The following PRSS23 variants were observed in gnomAD, a reference collection of about 807,000 sequenced individuals.
The protein encoded by PRSS23 is serine protease 23.
Under a neutral mutation model 34.7 loss-of-function variants are expected in PRSS23, and 25 were observed. That is an observed-to-expected ratio of 0.72 (90% confidence interval 0.53 to 1.01). The LOEUF (loss-of-function observed/expected upper bound fraction) is 1.01, where lower values mean the gene tolerates loss of function less well. Among genes scored for constraint, PRSS23 ranks in the 50% least tolerant of loss-of-function variants. The pLI is 0.00. For synonymous variants in PRSS23, 176 were observed against 186.6 expected, an observed-to-expected ratio of 0.94 and a Z score of 0.46; for missense variants, 445 against 475.6, an observed-to-expected ratio of 0.94 and a Z score of 0.60.
At chr11:86,812,636 A>C (rs1948186966), downstream of PRSS23, among the ~76,000 whole-genome samples, 1 of 151,006 alleles carries the variant, frequency 6.6e-6, no homozygotes, top group Non-Finnish European at 1.5e-5. Flanking sequence ...AAAAATACAA[A>C]AATTGGCCGG....
At chr11:86,806,769 G>T (rs545730876) in intron 1 of PRSS23, among the ~76,000 whole-genome samples, 1 of 151,996 alleles carries the variant, frequency 6.6e-6, no homozygotes, top group African/African-American at 2.4e-5. Context: ...AATCTTTGTC[G>T]AGTGCTAGCA....
chr11:86,874,238 A>G lies in PRSS23; in HGVS notation c.206+50645A>G, dbSNP rs542611223. 2.3e-4 allele frequency among the ~76,000 whole-genome samples: 35 copies of G among 152,338 alleles called. 1 individual carries two copies. The highest frequency in any genetic ancestry group is 8.2e-4 in the African/African-American group (34 of 41,588). ...TATCAGAGGAGTCCTGTGTCTCCCA[A>G]GAACAGCCCAATACAGAATCTTGCC... On this transcript the variant is annotated intron_variant, in intron 2 of 2. Coordinates refer to the PRSS23 transcript ENST00000533902.
intron 2 of PRSS23, among the ~76,000 whole-genome samples, chr11:86,829,193 CT>C (rs1948329679): frequency 6.6e-6 from 1 of 152,108 alleles, no homozygotes; most frequent in Non-Finnish European, 1.5e-5. Context: ...TTGTTCGTTT[CT>C]TTTTATTCTT....
chr11:86,798,541 G>T (rs1401012322), upstream of PRSS23, among the ~76,000 whole-genome samples: 1 of 152,226 alleles, frequency 6.6e-6, no homozygotes, highest in African/African-American at 2.4e-5. Flanking sequence ...CAAAGGTACT[G>T]ACGCCTCAGC....
intron 2 of PRSS23, among the ~76,000 whole-genome samples, chr11:86,826,735 C>T (rs964831700): frequency 2.8e-4 from 43 of 152,268 alleles, no homozygotes; most frequent in African/African-American, 1.0e-3. Flanking sequence ...GCCTTTTCTG[C>T]ATCTATTGAG....
chr11:86,927,531 G>C (rs1160291999), intron 2 of PRSS23, among the ~76,000 whole-genome samples: 4 of 151,980 alleles, frequency 2.6e-5, no homozygotes, highest in Non-Finnish European at 2.9e-5. Flanking sequence ...TTTTAAAAAT[G>C]AGACGGGGTA....
intron 2 of PRSS23, among the ~76,000 whole-genome samples, chr11:86,912,767 G>A (rs1275206171): frequency 6.6e-6 from 1 of 151,960 alleles, no homozygotes; most frequent in African/African-American, 2.4e-5. Flanking sequence ...GTTCATCTCA[G>A]AGCTTGTCTC....
At chr11:86,951,574 G>A (rs766436611) in exon 3 of PRSS23, 1 of 1,614,048 alleles carries the variant, frequency 6.2e-7, no homozygotes, top group South Asian at 1.1e-5. Context: ...AAGTAAAGAG[G>A]GGAGCCACCA....
At chr11:86,918,327 T>C (rs1246623711) in intron 2 of PRSS23, among the ~76,000 whole-genome samples, 1 of 152,218 alleles carries the variant, frequency 6.6e-6, no homozygotes. Flanking sequence ...TTGTTTCCCA[T>C]ATATTTCTGT....
At chr11:86,906,684 G>C (rs192614862) in intron 2 of PRSS23, among the ~76,000 whole-genome samples, 7 of 152,232 alleles carry the variant, frequency 4.6e-5, no homozygotes. Flanking sequence ...CTGCTGGTTA[G>C]TGGCACAATG....
At chr11:86,798,196 G>A (rs544054652), upstream of PRSS23, among the ~76,000 whole-genome samples, 6 of 152,238 alleles carry the variant, frequency 3.9e-5, no homozygotes, top group South Asian at 1.2e-3. Flanking sequence ...CAGACACTTA[G>A]AGATCCTCAA....
At chr11:86,917,145 C>A (rs929134824) in intron 2 of PRSS23, among the ~76,000 whole-genome samples, 48 of 152,282 alleles carry the variant, frequency 3.2e-4, no homozygotes, top group Non-Finnish European at 5.0e-4. Flanking sequence ...CATGGCAAAA[C>A]CCCATCTCTA....
intron 2 of PRSS23, among the ~76,000 whole-genome samples, chr11:86,830,591 G>A (rs1040093040): frequency 1.3e-5 from 2 of 151,892 alleles, no homozygotes; most frequent in Non-Finnish European, 2.9e-5. Context: ...TGTCGCTCAT[G>A]CTGGGAGCTG....
intron 2 of PRSS23, among the ~76,000 whole-genome samples, chr11:86,899,501 A>G (rs1213804273): frequency 6.9e-6 from 1 of 145,694 alleles, no homozygotes; most frequent in Non-Finnish European, 1.5e-5. Context: ...CCTGGGCAAC[A>G]AAGTGAGACC....
At chr11:86,873,572 C>T (rs565292196) in intron 2 of PRSS23, among the ~76,000 whole-genome samples, 6 of 152,110 alleles carry the variant, frequency 3.9e-5, no homozygotes, top group Admixed American at 2.0e-4. Flanking sequence ...CATGAGCCAC[C>T]GTGCCCAGCC....
At chr11:86,833,360 T>G in intron 2 of PRSS23, 1 of 845,030 alleles carries the variant, frequency 1.2e-6, no homozygotes, top group Non-Finnish European at 2.0e-6. Flanking sequence ...ACTAGGTACA[T>G]GAACAGGAAC....
At chr11:86,853,357 C>T (rs760635047) in intron 2 of PRSS23, among the ~76,000 whole-genome samples, 5 of 143,128 alleles carry the variant, frequency 3.5e-5, no homozygotes, top group African/African-American at 5.2e-5. Flanking sequence ...CAGGTTCAAG[C>T]GATCTTGTGC....
intron 2 of PRSS23, among the ~76,000 whole-genome samples, chr11:86,919,513 G>A (rs1217107790): frequency 1.3e-5 from 2 of 152,112 alleles, no homozygotes; most frequent in East Asian, 3.9e-4. Context: ...ATTGTCTTGA[G>A]TGAATGATTG....
chr11:86,824,277 A>T (rs903576147), intron 2 of PRSS23, among the ~76,000 whole-genome samples: 1 of 150,060 alleles, frequency 6.7e-6, no homozygotes, highest in African/African-American at 2.4e-5. Context: ...CACTGCACTT[A>T]CTCCATTCTG....
Sources: allele counts gnomAD v4.1 joint callset (sites outside exome capture counted in the v4.1 genomes callset), GRCh38; gene constraint gnomAD v4.1.1; transcripts MANE v1.5; gene names NCBI Gene and HGNC (gene_info 2026-07-23, HGNC 2026-07-21).